Variants in PSPC1 observed in about 807,000 individuals in gnomAD.
PSPC1 encodes paraspeckle component 1.
Under a neutral mutation model 51.6 loss-of-function variants are expected in PSPC1, and 14 were observed. The observed-to-expected ratio is 0.27, with a 90% CI of 0.18 to 0.42. PSPC1 has a LOEUF of 0.42. Ranked by LOEUF, PSPC1 falls within the 10% of genes least tolerant of loss-of-function variation. PSPC1 has a pLI of 1.00. For missense variants in PSPC1, 406 were observed against 701.1 expected (o/e 0.58, Z 4.75); for synonymous variants, 193 against 231.9 (o/e 0.83, Z 1.53).
At chr13:19,772,195 G>A in intron 2 of PSPC1, 47 bp downstream of exon 2, 2 of 1,558,944 alleles carry the variant, frequency 1.3e-6, no homozygotes, top group African/African-American at 2.7e-5. Context: ...ACAGAGAGAA[G>A]CCCATATGTA....
downstream of PSPC1, among the ~76,000 whole-genome samples, chr13:19,673,666 A>T (rs561698647): frequency 6.6e-6 from 1 of 152,268 alleles, no homozygotes; most frequent in Non-Finnish European, 1.5e-5. Context: ...TATAGATGTG[A>T]ATGAACAGCC....
At chr13:19,681,415 A>G (rs1315752681) in intron 6 of PSPC1, among the ~76,000 whole-genome samples, 1 of 151,892 alleles carries the variant, frequency 6.6e-6, no homozygotes, top group Non-Finnish European at 1.5e-5. Context: ...AATTATATAT[A>G]ATAGAAGTAA....
intron 6 of PSPC1, among the ~76,000 whole-genome samples, chr13:19,714,279 C>T (rs116498714): frequency 6.6e-6 from 1 of 152,092 alleles, no homozygotes; most frequent in Non-Finnish European, 1.5e-5. Flanking sequence ...ATAAGAGACA[C>T]TATAATTATT....
chr13:19,766,753 C>A (rs188064894), intron 2 of PSPC1, among the ~76,000 whole-genome samples: 52 of 151,360 alleles, frequency 3.4e-4, no homozygotes, highest in African/African-American at 1.2e-3. Flanking sequence ...AGCTTGGGAG[C>A]CTGAGGTGGG....
intron 8 of PSPC1, among the ~76,000 whole-genome samples, chr13:19,705,258 G>C (rs1190780157): frequency 2.0e-5 from 3 of 152,212 alleles, no homozygotes; most frequent in Admixed American, 6.5e-5. Flanking sequence ...ACTTTGGGAG[G>C]CCGAGGCGGG....
chr13:19,781,013 C>A (rs1484908002), intron 1 of PSPC1, among the ~76,000 whole-genome samples: 1 of 151,896 alleles, frequency 6.6e-6, no homozygotes, highest in Non-Finnish European at 1.5e-5. Flanking sequence ...AAAAATTAGG[C>A]AGGCTTGGGG....
chr13:19,722,911 A>C (rs1482906233), intron 6 of PSPC1, among the ~76,000 whole-genome samples: 2 of 152,170 alleles, frequency 1.3e-5, no homozygotes, highest in Non-Finnish European at 2.9e-5. Flanking sequence ...AGAGTTCAAG[A>C]GCAGCCTGGC....
At position 19,758,778 on chromosome 13, in the gene PSPC1, T is replaced by C. The variant is rs576741997; in HGVS notation, c.770+545A>G. On this transcript the variant is annotated intron_variant, in intron 3 of 8. Coordinates refer to ENST00000338910, the MANE Select transcript of PSPC1 (RefSeq NM_001354909.2). The stretch of plus-strand genomic sequence containing the variant: ...TGAACCTGGGAGGTGGAGGTTGCAG[T>C]GAGCCGAGTTCACGCCACTGCACTC... 1.0e-4 allele frequency among the ~76,000 whole-genome samples: 15 copies of C among 150,296 alleles called. No individual in the cohort carries two copies. The South Asian group carries it at 3.0e-3, about 30-fold the overall frequency.
At chr13:19,772,750 G>A (rs1888735905) in intron 1 of PSPC1, among the ~76,000 whole-genome samples, 1 of 152,160 alleles carries the variant, frequency 6.6e-6, no homozygotes, top group African/African-American at 2.4e-5. Context: ...CAACTCCATT[G>A]TTTTGTTAAA....
intron 1 of PSPC1, among the ~76,000 whole-genome samples, chr13:19,774,403 CA>C (rs1243877135): frequency 6.6e-6 from 1 of 152,114 alleles, no homozygotes; most frequent in Non-Finnish European, 1.5e-5. Context: ...CCCTTTATTG[CA>C]AAAATCTACC....
intron 3 of PSPC1, among the ~76,000 whole-genome samples, chr13:19,752,236 A>G (rs1483814281): frequency 6.6e-6 from 1 of 152,126 alleles, no homozygotes; most frequent in African/African-American, 2.4e-5. Context: ...ATTATTTATT[A>G]CCTCTTTCTC....
chr13:19,772,293 G>A lies in PSPC1; in HGVS notation c.623C>T (p.Pro208Leu). The A allele has an allele frequency of 1.9e-6, 3 of 1,614,198 alleles. No homozygotes were observed. The highest frequency in any genetic ancestry group is 2.5e-6 in the Non-Finnish European group (3 of 1,180,030). ...KGFVEFAAKP[P>L]ARKALERCGD... Reference sequence around the variant, plus strand: ...ACATCTTTCCAGAGCCTTTCGTGCAGGAGGTTTTGCTGCAAACTCTACAAA... The same window carrying A: ...ACATCTTTCCAGAGCCTTTCGTGCAAGAGGTTTTGCTGCAAACTCTACAAA... Residue 208 changes from proline (P) to leucine (L), a missense_variant, in exon 2 of 9, where the codon CCT becomes CTT. By Grantham distance (98) the Pro-to-Leu change is moderately conservative. This residue lies in a region of PSPC1 where 180 missense variants were observed against 337.9 expected (regional missense o/e 0.53). Transcript: ENST00000338910.
chr13:19,692,526 G>T (rs1046488990), intron 6 of PSPC1, among the ~76,000 whole-genome samples: 1 of 152,146 alleles, frequency 6.6e-6, no homozygotes, highest in Non-Finnish European at 1.5e-5. Context: ...CAGATGGTAG[G>T]TCCTGTGAGA....
chr13:19,761,160 A>G (rs1470190726), intron 2 of PSPC1, among the ~76,000 whole-genome samples: 1 of 152,130 alleles, frequency 6.6e-6, no homozygotes, highest in African/African-American at 2.4e-5. Context: ...AAAAATAAAA[A>G]TAAAAGATGT....
rs150815017 is a variant in PSPC1 at position 19,717,323 on chromosome 13, T to C, written c.1159-7724A>G. Among the ~76,000 whole-genome samples the C allele has an allele frequency of 8.6e-3, 1,309 of 151,784 alleles. 22 individuals are homozygous for C. Among genetic ancestry groups the C allele is most frequent in the African/African-American group, 0.03 (1,251 of 41,392 alleles). On this transcript the variant is annotated intron_variant, in intron 6 of 8. Transcript: ENST00000338910. ...GCTCACACTTGTAATCCCAGCACTA[T>C]GGGAGGCTGAGGCAGGCAGATCACT...
intron 8 of PSPC1, 109 bp downstream of exon 8, chr13:19,705,553 C>T: frequency 1.3e-6 from 1 of 767,508 alleles, no homozygotes; most frequent in Non-Finnish European, 1.9e-6. Context: ...TTTTCTTCTT[C>T]ATTGGCTGCC....
intron 2 of PSPC1, among the ~76,000 whole-genome samples, chr13:19,762,267 G>T (rs1887665974): frequency 6.6e-6 from 1 of 152,178 alleles, no homozygotes; most frequent in African/African-American, 2.4e-5. Context: ...AGTGAGCAAA[G>T]ATCAATCAGG....
At chr13:19,710,811 G>T (rs1286432274) in intron 6 of PSPC1, among the ~76,000 whole-genome samples, 1 of 150,634 alleles carries the variant, frequency 6.6e-6, no homozygotes, top group Non-Finnish European at 1.5e-5. Flanking sequence ...TTATTTAGAA[G>T]ATTTAAATAC....
chr13:19,735,935 C>T (rs1357556489), intron 5 of PSPC1, among the ~76,000 whole-genome samples: 1 of 152,064 alleles, frequency 6.6e-6, no homozygotes, highest in African/African-American at 2.4e-5. Flanking sequence ...CATTCTCCTG[C>T]CTCAGACTCT....
Sources: gnomAD v4.1 joint callset for allele counts (sites outside exome capture counted in the v4.1 genomes callset) on GRCh38, gnomAD v4.1.1 for gene constraint, gnomAD v4.1.1 regional missense constraint, MANE v1.5 for transcripts, NCBI Gene and HGNC (gene_info 2026-07-23, HGNC 2026-07-21) for gene names.